Variants in CHD1 observed in about 807,000 individuals in gnomAD.
CHD1 encodes the protein chromodomain helicase DNA binding protein 1, also known as ATP-dependent chromatin remodeler CHD1.
A neutral mutation model predicts 224.2 loss-of-function variants in CHD1; 36 were observed. The ratio of observed to expected loss-of-function variants is 0.16; its 90% CI spans 0.12 to 0.21. The LOEUF (loss-of-function observed/expected upper bound fraction) is 0.21. CHD1 is among the 10% of genes least tolerant of loss of function. The probability of loss-of-function intolerance (pLI) is 1.00; values close to 1 mark genes in which losing one functional copy is unlikely to be tolerated. For synonymous variants in CHD1, 668 were observed against 658.3 expected (o/e 1.01, Z -0.23); for missense variants, 1,378 against 1,994.8 (o/e 0.69, Z 5.89).
intron 28 of CHD1, 87 bp downstream of exon 28, chr5:98,871,964 C>T (rs1749385120): frequency 7.9e-7 from 1 of 1,270,510 alleles, no homozygotes; most frequent in African/African-American, 1.5e-5. Context: ...TCCAGATTTC[C>T]ATTATTTCCA....
intron 15 of CHD1, among the ~76,000 whole-genome samples, chr5:98,891,227 C>A (rs916989161): frequency 1.3e-5 from 2 of 152,064 alleles, no homozygotes; most frequent in Non-Finnish European, 2.9e-5. Context: ...GCACCCACCA[C>A]CACTCCTGGC....
In CHD1 at chr5:98,854,150, T is replaced by C. The variant is rs1223956641; in HGVS notation, c.*2230A>G. ...GTTCTGCTATATTTATGTACTAATGTTCTTCACCATTGCGTCTTAATTTTT... is the reference window on the plus strand; with the variant it reads ...GTTCTGCTATATTTATGTACTAATGCTCTTCACCATTGCGTCTTAATTTTT... On this transcript the variant is annotated 3_prime_UTR_variant, in exon 36 of 36. Coordinates refer to ENST00000614616, the MANE Select transcript of CHD1 (RefSeq NM_001270.4). The C allele has an allele frequency of 6.6e-6, 1 of 150,778 alleles. No homozygotes were observed. The highest frequency in any genetic ancestry group is 2.5e-5 in the African/African-American group (1 of 40,486). 9.3% of individuals were successfully genotyped at this position (150,778 alleles called of 1,614,324 possible). A position where few individuals can be genotyped will look rare whatever the true frequency, so the allele number is the denominator to read the frequency against.
In CHD1 at chr5:98,858,920, A is replaced by T. The variant is rs768299632; in HGVS notation, c.4576+44T>A. 4.1e-5 allele frequency: 58 copies of T among 1,408,194 alleles called. No individual in the cohort carries two copies. The East Asian group carries it at 1.4e-3, about 35-fold the overall frequency. 87.2% of individuals were successfully genotyped at this position (1,408,194 alleles called of 1,614,324 possible). A position where few individuals can be genotyped will look rare whatever the true frequency, so the allele number is the denominator to read the frequency against. On this transcript the variant is annotated intron_variant, in intron 34 of 35. Coordinates refer to ENST00000614616, the MANE Select transcript of CHD1 (RefSeq NM_001270.4). Reference sequence around the variant, plus strand: ...TTTATTTAAAACAAAAATTTAAAAAAAATTTTTTTTAATTTATTTTCCCAA... The same window carrying T: ...TTTATTTAAAACAAAAATTTAAAAATAATTTTTTTTAATTTATTTTCCCAA...
In CHD1 at chr5:98,854,314, C is replaced by A. The variant is rs750133764; in HGVS notation, c.*2066G>T. On this transcript the variant is annotated 3_prime_UTR_variant, in exon 36 of 36. Coordinates refer to ENST00000614616, the MANE Select transcript of CHD1 (RefSeq NM_001270.4). The stretch of plus-strand genomic sequence containing the variant: ...ACTATTTAAAAAATTAGAGCCTTAT[C>A]TCAGAAAATGCAACATTGTTCTGTG... The A allele has an allele frequency of 1.3e-5, 2 of 151,852 alleles. No homozygotes were observed. The highest frequency in any genetic ancestry group is 2.4e-5 in the African/African-American group (1 of 41,302). The allele number at this position is 151,852 out of a possible 1,614,324, so 9.4% of individuals were successfully genotyped here.
intron 27 of CHD1, 39 bp downstream of exon 27, chr5:98,872,378 A>C (rs1265808696): frequency 2.5e-6 from 4 of 1,582,864 alleles, no homozygotes; most frequent in Non-Finnish European, 2.6e-6. Flanking sequence ...CAATTATTGA[A>C]TAACAAAAAT....
Position 98,858,286 on chromosome 5 carries a change from G to A in CHD1, c.4681C>T (p.His1561Tyr), listed in dbSNP as rs138351327. Reference sequence around the variant, plus strand: ...CTTTTTTTGTAAGAATCTCCCTGATGTCGGTCTTTATGATGATCATGGTAC... The same window carrying A: ...CTTTTTTTGTAAGAATCTCCCTGATATCGGTCTTTATGATGATCATGGTAC... ...TQYHDHHKDR[H>Y]QGDSYKKSDS... Residue 1561 changes from histidine to tyrosine, a missense_variant, in exon 35 of 36, where the codon CAT (histidine) becomes TAT (tyrosine). Coordinates refer to ENST00000614616, the MANE Select transcript of CHD1 (RefSeq NM_001270.4). The A allele has an allele frequency of 1.8e-3, 2,982 of 1,612,952 alleles. 8 individuals are homozygous for A. The highest frequency in any genetic ancestry group is 6.3e-3 in the Middle Eastern group (38 of 6,058).
chr5:98,901,126 A>G (rs554357744), intron 6 of CHD1, 44 bp from the exon 7 acceptor site: 2 of 1,573,586 alleles, frequency 1.3e-6, no homozygotes, highest in Admixed American at 4.0e-5. Flanking sequence ...TTGAGAAACT[A>G]TATACAAAAA....
At position 98,855,776 on chromosome 5, in the gene CHD1, T is replaced by A. The variant is rs1303962556; in HGVS notation, c.*604A>T. The A allele has an allele frequency of 6.6e-6, 1 of 151,758 alleles. No homozygotes were observed. Among genetic ancestry groups the A allele is most frequent in the African/African-American group, 2.4e-5 (1 of 41,304 alleles). The allele number at this position is 151,758 out of a possible 1,614,324, so 9.4% of individuals were successfully genotyped here. A position where few individuals can be genotyped will look rare whatever the true frequency, so the allele number is the denominator to read the frequency against. ...AAAGTTCCTTTAATATTTACAATAA[T>A]TTACAGCCATTTTTTTTGTAAAAAG... On this transcript the variant is annotated 3_prime_UTR_variant, in exon 36 of 36. Coordinates refer to ENST00000614616, the MANE Select transcript of CHD1 (RefSeq NM_001270.4).
rs1315234474 is a variant in CHD1, at chr5:98,928,795, G to C, written c.-405C>G. On this transcript the variant is annotated 5_prime_UTR_variant, in exon 1 of 36. Coordinates refer to ENST00000614616, the MANE Select transcript of CHD1 (RefSeq NM_001270.4). ...AGGGCGAGGGCAGCAAGAGCTATAA[G>C]TAACCAGTCGTCGCCGCCGCCGCCG... The C allele has an allele frequency of 1.3e-5, 2 of 159,224 alleles. No individual in the cohort carries two copies. The highest frequency in any genetic ancestry group is 4.9e-5 in the African/African-American group (2 of 41,188). 9.9% of individuals were successfully genotyped at this position (159,224 alleles called of 1,614,324 possible). A position where few individuals can be genotyped will look rare whatever the true frequency, so the allele number is the denominator to read the frequency against.
chr5:98,920,912 AC>A (rs1334154994), intron 2 of CHD1, among the ~76,000 whole-genome samples: 1 of 152,170 alleles, frequency 6.6e-6, no homozygotes, highest in African/African-American at 2.4e-5. Context: ...AGAAACTCTC[AC>A]AGATGAAAGG....
intron 15 of CHD1, among the ~76,000 whole-genome samples, chr5:98,892,110 T>C (rs534223960): frequency 6.6e-6 from 1 of 152,320 alleles, no homozygotes; most frequent in Non-Finnish European, 1.5e-5. Context: ...GATCTTGACA[T>C]ACAAAATTTA....
chr5:98,859,067 C>CA (rs1321723189), intron 33 of CHD1, 52 bp from the exon 34 acceptor site: 2 of 1,346,262 alleles, frequency 1.5e-6, no homozygotes, highest in Non-Finnish European at 2.1e-6. Flanking sequence ...CACAAACTTA[C>CA]AAAAAAGCAC....
rs778347056 is a variant in CHD1, at chr5:98,858,408, C to T, written c.4577-18G>A. 1.9e-6 allele frequency: 3 copies of T among 1,584,078 alleles called. No individual in the cohort carries two copies. The Admixed American group carries it at 5.1e-5, about 27-fold the overall frequency. Reference sequence around the variant, plus strand: ...TTCCACATCTGTTAGATAAGTACAACTTTTATTAATGACCTTAAAAATAAT... The same window carrying T: ...TTCCACATCTGTTAGATAAGTACAATTTTTATTAATGACCTTAAAAATAAT... On this transcript the variant is annotated intron_variant, in intron 34 of 35. Coordinates refer to ENST00000614616, the MANE Select transcript of CHD1 (RefSeq NM_001270.4).
intron 30 of CHD1, 131 bp from the exon 31 acceptor site, chr5:98,868,766 T>A (rs1293333702): frequency 2.2e-6 from 2 of 889,818 alleles, no homozygotes; most frequent in Admixed American, 3.3e-5. Context: ...AATATCCTCA[T>A]CTATTTTAAT....
At position 98,858,915 on chromosome 5, in the gene CHD1, A is replaced by T. The variant is rs147972187; in HGVS notation, c.4576+49T>A. On this transcript the variant is annotated intron_variant, in intron 34 of 35. Coordinates refer to ENST00000614616, the MANE Select transcript of CHD1 (RefSeq NM_001270.4). ...TTTGGTTTATTTAAAACAAAAATTT[A>T]AAAAAAATTTTTTTTAATTTATTTT... is the stretch of plus-strand genomic sequence containing the variant. 1,500 of 1,350,082 alleles carry T rather than the reference A, an allele frequency of 1.1e-3. 12 individuals are homozygous for T. In the African/African-American group the frequency reaches 0.014, roughly 12 times the overall value. The allele number at this position is 1,350,082 out of a possible 1,614,324, so 83.6% of individuals were successfully genotyped here. A position where few individuals can be genotyped will look rare whatever the true frequency, so the allele number is the denominator to read the frequency against.
chr5:98,922,892 G>A (rs1486153238), intron 2 of CHD1, among the ~76,000 whole-genome samples: 1 of 152,142 alleles, frequency 6.6e-6, no homozygotes, highest in Non-Finnish European at 1.5e-5. Flanking sequence ...GGGAGGCTGA[G>A]GCAGGAAAAT....
At chr5:98,918,769 CAA>C (rs377628623) in intron 2 of CHD1, among the ~76,000 whole-genome samples, 22 of 134,924 alleles carry the variant, frequency 1.6e-4, no homozygotes, top group Non-Finnish European at 2.8e-4. Flanking sequence ...AAAAAAAAAA[CAA>C]AAAAAAAAAC....
intron 32 of CHD1, among the ~76,000 whole-genome samples, chr5:98,862,309 A>C (rs538723858): frequency 6.6e-6 from 1 of 152,328 alleles, no homozygotes; most frequent in South Asian, 2.1e-4. Context: ...AAGGAATATG[A>C]AATCAAAGTA....
intron 5 of CHD1, 45 bp from the exon 6 acceptor site, chr5:98,901,380 C>G (rs765682367): frequency 6.7e-7 from 1 of 1,487,052 alleles, no homozygotes; most frequent in African/African-American, 1.4e-5. Flanking sequence ...ACTTATATGG[C>G]AAGTTTTATC....
Sources: allele counts gnomAD v4.1 joint callset (sites outside exome capture counted in the v4.1 genomes callset), GRCh38; gene constraint gnomAD v4.1.1; transcripts MANE v1.5; gene names NCBI Gene and HGNC (gene_info 2026-07-23, HGNC 2026-07-21).